The following CPM variants were observed in gnomAD, a reference collection of about 807,000 sequenced individuals.
The protein encoded by CPM is renal carboxypeptidase.
A neutral mutation model predicts 46.4 loss-of-function variants in CPM; 35 were observed. The ratio of observed to expected loss-of-function variants is 0.75; its 90% CI spans 0.58 to 1.00. The LOEUF (loss-of-function observed/expected upper bound fraction) is 1.00, where lower values mean the gene tolerates loss of function less well. CPM is among the 50% of genes least tolerant of loss of function. The probability of loss-of-function intolerance (pLI) is 0.00; values close to 1 mark genes in which losing one functional copy is unlikely to be tolerated. For missense variants in CPM, 422 were observed against 530.4 expected (o/e 0.80, Z 2.01); for synonymous variants, 195 against 195.3 (o/e 1.00, Z 0.01).
rs148059073 is a variant in CPM at position 68,872,410 on chromosome 12, G to A, written c.259-454C>T. Among the ~76,000 whole-genome samples, 28 of 152,098 alleles carry A rather than the reference G, an allele frequency of 1.8e-4. No homozygotes were observed. In the East Asian group the frequency reaches 3.7e-3, roughly 20 times the overall value. On this transcript the variant is annotated intron_variant, in intron 3 of 8. Coordinates refer to ENST00000551568, the MANE Select transcript of CPM (RefSeq NM_198320.5). ...TGGGATTACAGGCGTGTGCCACCAC[G>A]CCCAGCTAATTCTTGTATTTTTAGT...
chr12:68,852,073 T>A lies in CPM; in HGVS notation c.*4364A>T, dbSNP rs1884717300. On this transcript the variant is annotated 3_prime_UTR_variant, in exon 9 of 9. Coordinates refer to ENST00000551568, the MANE Select transcript of CPM (RefSeq NM_198320.5). ...TTTTACTTTCTAAACAGAGCTAACT[T>A]GTACCATTTTTAGAAACAGATCACA... The A allele has an allele frequency of 1.3e-5, 2 of 152,230 alleles. No individual in the cohort carries two copies. The highest frequency in any genetic ancestry group is 2.9e-5 in the Non-Finnish European group (2 of 68,034). The allele number at this position is 152,230 out of a possible 1,614,324, so 9.4% of individuals were successfully genotyped here.
intron 1 of CPM, among the ~76,000 whole-genome samples, chr12:68,947,322 T>C (rs949624133): frequency 6.6e-6 from 1 of 152,146 alleles, no homozygotes; most frequent in East Asian, 1.9e-4. Flanking sequence ...TGAGGCCGGG[T>C]GCAATGGCTC....
rs905841836 is a variant in CPM at position 68,852,440 on chromosome 12, G to A, written c.*3997C>T. 1 of 152,210 alleles carries A rather than the reference G, an allele frequency of 6.6e-6. No individual in the cohort carries two copies. Among genetic ancestry groups the A allele is most frequent in the South Asian group, 2.1e-4 (1 of 4,818 alleles). 9.4% of individuals were successfully genotyped at this position (152,210 alleles called of 1,614,324 possible). ...ACCAAAAATGTAGCATCTCTTACCA[G>A]TCACAGAATCACCGTTCAGCGTGGC... On this transcript the variant is annotated 3_prime_UTR_variant, in exon 9 of 9. Coordinates refer to ENST00000551568, the MANE Select transcript of CPM (RefSeq NM_198320.5).
Position 68,856,571 on chromosome 12 carries a change from A to G in CPM, c.1198T>C (p.Leu400=), listed in dbSNP as rs762786691. Residue 400 remains leucine, a synonymous_variant, in exon 9 of 9, where the codon TTG becomes CTG. Coordinates refer to ENST00000551568, the MANE Select transcript of CPM (RefSeq NM_198320.5). ...KDILLPFQGQ[L]DSIPVSNPSC... The stretch of plus-strand genomic sequence containing the variant: ...GGATTTGATACTGGGATAGAATCCA[A>G]TTGCCCTTGGAATGGAAGTAGAATA... 5.6e-6 allele frequency: 9 copies of G among 1,614,142 alleles called. No individual in the cohort carries two copies. Among genetic ancestry groups the G allele is most frequent in the East Asian group, 2.2e-5 (1 of 44,902 alleles).
At chr12:68,884,918 A>G (rs913386464) in intron 3 of CPM, among the ~76,000 whole-genome samples, 7 of 152,128 alleles carry the variant, frequency 4.6e-5, no homozygotes. Context: ...AAAAGAGGCA[A>G]GATATTATTA....
intron 6 of CPM, among the ~76,000 whole-genome samples, chr12:68,869,075 T>C (rs1885579422): frequency 6.6e-6 from 1 of 152,246 alleles, no homozygotes; most frequent in African/African-American, 2.4e-5. Flanking sequence ...TTTCAGTTCC[T>C]GGCTCACAGT....
intron 2 of CPM, among the ~76,000 whole-genome samples, chr12:68,901,289 A>G (rs1228041094): frequency 6.6e-6 from 1 of 152,216 alleles, no homozygotes; most frequent in African/African-American, 2.4e-5. Context: ...CTATGCCCCC[A>G]TGCACCGGCT....
chr12:68,900,753 A>G (rs1186637816), intron 2 of CPM, among the ~76,000 whole-genome samples: 2 of 152,204 alleles, frequency 1.3e-5, no homozygotes, highest in Non-Finnish European at 2.9e-5. Flanking sequence ...AATGCATATT[A>G]CTAAGTAAAA....
intron 1 of CPM, among the ~76,000 whole-genome samples, chr12:68,954,902 A>G (rs968322488): frequency 6.6e-6 from 1 of 152,222 alleles, no homozygotes; most frequent in African/African-American, 2.4e-5. Context: ...AGGTGTCTGC[A>G]GCAGAAGCCA....
At chr12:68,960,767 C>T (rs1335951859) in intron 1 of CPM, among the ~76,000 whole-genome samples, 1 of 152,178 alleles carries the variant, frequency 6.6e-6, no homozygotes, top group Non-Finnish European at 1.5e-5. Flanking sequence ...TGTGACTGTA[C>T]AGGTCTCAAG....
intron 7 of CPM, among the ~76,000 whole-genome samples, chr12:68,859,477 G>A (rs968407078): frequency 2.0e-5 from 3 of 152,142 alleles, no homozygotes; most frequent in South Asian, 2.1e-4. Flanking sequence ...TTACGTGTGC[G>A]AGGGACTCAA....
At chr12:68,923,832 C>T (rs1888138715) in intron 2 of CPM, among the ~76,000 whole-genome samples, 1 of 152,138 alleles carries the variant, frequency 6.6e-6, no homozygotes, top group African/African-American at 2.4e-5. Flanking sequence ...TATGAAATAT[C>T]TCTCAGTCAC....
upstream of CPM, among the ~76,000 whole-genome samples, chr12:68,937,612 ATTG>A (rs1341120538): frequency 1.3e-5 from 2 of 152,190 alleles, no homozygotes; most frequent in African/African-American, 4.8e-5. Flanking sequence ...GGAAAGACAA[ATTG>A]TTCAGGCAAG....
chr12:68,957,048 C>T (rs1309187871), intron 1 of CPM, among the ~76,000 whole-genome samples: 1 of 152,182 alleles, frequency 6.6e-6, no homozygotes, highest in Non-Finnish European at 1.5e-5. Context: ...GACGCCATCA[C>T]CAGACAATCA....
At chr12:68,873,021 G>A (rs1885779125) in intron 3 of CPM, among the ~76,000 whole-genome samples, 1 of 152,132 alleles carries the variant, frequency 6.6e-6, no homozygotes, top group South Asian at 2.1e-4. Context: ...TTAAATGTCA[G>A]CCTTATCATA....
intron 2 of CPM, among the ~76,000 whole-genome samples, chr12:68,925,287 GTA>G (rs770155530): frequency 2.0e-5 from 3 of 152,122 alleles, no homozygotes; most frequent in Non-Finnish European, 4.4e-5. Context: ...TTTTGGGTAT[GTA>G]TTAATAATAA....
At chr12:68,940,662 C>T (rs554761391) in intron 1 of CPM, among the ~76,000 whole-genome samples, 6 of 151,514 alleles carry the variant, frequency 4.0e-5, no homozygotes, top group South Asian at 2.1e-4. Context: ...GGTCTCCAAA[C>T]GTTTGAGTAG....
At chr12:68,930,359 G>A (rs1439545517) in intron 2 of CPM, among the ~76,000 whole-genome samples, 2 of 152,232 alleles carry the variant, frequency 1.3e-5, no homozygotes, top group Admixed American at 6.5e-5. Context: ...TGGGATTACA[G>A]GCATGAGTCA....
chr12:68,956,595 A>C (rs550460720), intron 1 of CPM, among the ~76,000 whole-genome samples: 1 of 152,346 alleles, frequency 6.6e-6, no homozygotes, highest in South Asian at 2.1e-4. Context: ...TTTAATCATC[A>C]CAACCCATTG....
Sources: allele counts gnomAD v4.1 joint callset (sites outside exome capture counted in the v4.1 genomes callset), GRCh38; gene constraint gnomAD v4.1.1; transcripts MANE v1.5; gene names NCBI Gene and HGNC (gene_info 2026-07-23, HGNC 2026-07-21).